The following EIF4G2 variants were observed in gnomAD, a reference collection of about 807,000 sequenced individuals.
EIF4G2 encodes eukaryotic translation initiation factor 4 gamma 2.
In EIF4G2, 8 loss-of-function variants were observed where a neutral mutation model predicts 117.7. The ratio of observed to expected loss-of-function variants is 0.07; its 90% CI spans 0.04 to 0.12. EIF4G2 has a LOEUF of 0.12. Ranked by LOEUF, EIF4G2 falls within the 10% of genes least tolerant of loss-of-function variation. The probability of loss-of-function intolerance (pLI) is 1.00; values close to 1 mark genes in which losing one functional copy is unlikely to be tolerated. For synonymous variants in EIF4G2, 413 were observed against 367.8 expected, an observed-to-expected ratio of 1.12 and a Z score of -1.41; for missense variants, 812 against 1,086.2, an observed-to-expected ratio of 0.75 and a Z score of 3.55.
At position 10,801,791 on chromosome 11, in the gene EIF4G2, G is replaced by T; in HGVS notation, c.1300-17C>A. On this transcript the variant is annotated splice_polypyrimidine_tract_variant and intron_variant, in intron 13 of 21. Transcript: ENST00000339995. ...GCTTAGCCCCTATTTCAGAAAAGGA[G>T]AAAGAAAGTCTAGATAAAAAGGGGT... The T allele has an allele frequency of 6.2e-7, 1 of 1,608,616 alleles. No homozygotes were observed. The highest frequency in any genetic ancestry group is 8.5e-7 in the Non-Finnish European group (1 of 1,177,086).
At chr11:10,801,284 ATACTATTAT>A in intron 14 of EIF4G2, 197 bp from the exon 15 acceptor site, 1 of 659,770 alleles carries the variant, frequency 1.5e-6, no homozygotes. Context: ...CAGTAGTAAG[ATACTATTAT>A]AAATCTTACA....
In EIF4G2 at chr11:10,806,877, G is replaced by A. The variant is rs1442776478; in HGVS notation, c.50C>T (p.Ser17Leu). The A allele has an allele frequency of 6.2e-7, 1 of 1,613,996 alleles. No individual in the cohort carries two copies. The highest frequency in any genetic ancestry group is 8.5e-7 in the Non-Finnish European group (1 of 1,179,994). Residue 17 changes from serine to leucine, a missense_variant, in exon 3 of 22, where the codon TCG becomes TTG. Ser to Leu is a moderately radical substitution (Grantham distance 145). Transcript: ENST00000339995. ...TGCACCCCTACTTCCTCCTCCGCCC[G>A]AAGAAGCACTATTTAAAAGAAAAAA...
chr11:10,801,556 A>T lies in EIF4G2; in HGVS notation c.1413+105T>A, dbSNP rs369949288. Reference sequence around the variant, plus strand: ...ATAGAAAAGAGAGAAAAACGTCAAGAACTCCAGCATAAAGTCCTCTTAATA... The same window carrying T: ...ATAGAAAAGAGAGAAAAACGTCAAGTACTCCAGCATAAAGTCCTCTTAATA... On this transcript the variant is annotated intron_variant, in intron 14 of 21. Coordinates refer to ENST00000339995, the MANE Select transcript of EIF4G2 (RefSeq NM_001418.4). 55 of 1,012,816 alleles carry T rather than the reference A, an allele frequency of 5.4e-5. No individual in the cohort carries two copies. In the African/African-American group the frequency reaches 8.3e-4, roughly 15 times the overall value. The allele number at this position is 1,012,816 out of a possible 1,614,324, so 62.7% of individuals were successfully genotyped here.
chr11:10,801,632 T>C (rs750615306), intron 14 of EIF4G2, 29 bp downstream of exon 14: 2 of 1,585,896 alleles, frequency 1.3e-6, no homozygotes, highest in South Asian at 1.1e-5. Context: ...GGACAAACTA[T>C]GGTATATAAG....
chr11:10,805,883 A>G (rs1428684880), intron 4 of EIF4G2, 24 bp downstream of exon 4: 2 of 1,614,038 alleles, frequency 1.2e-6, no homozygotes, highest in African/African-American at 2.7e-5. Context: ...CCCATCTTTT[A>G]GTAAAACAGA....
At chr11:10,807,906 A>G (rs1847633661) in intron 1 of EIF4G2, 1 of 1,015,066 alleles carries the variant, frequency 9.9e-7, no homozygotes, top group Middle Eastern at 4.9e-4. Flanking sequence ...CCAGGGCCAC[A>G]ACATGGCAGC....
In EIF4G2 at chr11:10,800,838, A is replaced by G. The variant is rs774244755; in HGVS notation, c.1540-3T>C. 1.9e-6 allele frequency: 3 copies of G among 1,613,466 alleles called. No individual in the cohort carries two copies. Among genetic ancestry groups the G allele is most frequent in the Non-Finnish European group, 2.5e-6 (3 of 1,179,558 alleles). On this transcript the variant is annotated splice_region_variant and splice_polypyrimidine_tract_variant and intron_variant, in intron 15 of 21. Transcript: ENST00000339995. ...GTTTTGAGACCAAGCTGAGGTGTCT[A>G]AAAAACAAGCAATGACAGACTTTTT...
chr11:10,801,482 A>C, intron 14 of EIF4G2, 179 bp downstream of exon 14: 1 of 770,176 alleles, frequency 1.3e-6, no homozygotes, highest in Non-Finnish European at 2.3e-6. Flanking sequence ...CTCATATCTC[A>C]TAATCTTCGC....
At position 10,803,924 on chromosome 11, in the gene EIF4G2, G is replaced by A; in HGVS notation, c.677C>T (p.Ser226Phe). Residue 226 changes from serine (S) to phenylalanine (F), a missense_variant, in exon 8 of 22, where the codon TCT (serine) becomes TTT (phenylalanine). Ser to Phe is a radical substitution (Grantham distance 155). Coordinates refer to ENST00000339995, the MANE Select transcript of EIF4G2 (RefSeq NM_001418.4). This position sits in a 1 kb window ranked among gnomAD's most constrained non-coding sequence, Gnocchi z 4.0. The stretch of plus-strand genomic sequence containing the variant: ...TGTTTTGATGCACTTATGAAGGATA[G>A]ATTCGTGAATAAGATCAAGCTTGCC... 2 of 1,614,002 alleles carry A rather than the reference G, an allele frequency of 1.2e-6. No individual in the cohort carries two copies. The highest frequency in any genetic ancestry group is 1.7e-6 in the Non-Finnish European group (2 of 1,179,962).
intron 5 of EIF4G2, 32 bp from the exon 6 acceptor site, chr11:10,804,450 T>G: frequency 1.3e-6 from 2 of 1,547,480 alleles, no homozygotes; most frequent in Non-Finnish European, 1.7e-6. Flanking sequence ...AAACTAAATA[T>G]GAAAACTTCT....
At chr11:10,808,274 C>T in intron 1 of EIF4G2, 2 of 1,216,502 alleles carry the variant, frequency 1.6e-6, no homozygotes, top group Non-Finnish European at 1.0e-6. Context: ...AGGTCCTACA[C>T]ACCTCCCCGC....
chr11:10,804,357 C>T lies in EIF4G2; in HGVS notation c.413G>A (p.Arg138Gln), dbSNP rs765577628. ...AAAGTTTGGTGCATCTTCTGCCAAT[C>T]GCAGACATAGCTGAGCATACAGTGA... The change falls in exon 6 of 22, where the codon CGA becomes CAA. Residue 138 changes from arginine to glutamine, a missense_variant. Around this residue, in one of 4 missense-constraint regions of EIF4G2, gnomAD observed 154 missense variants for 322.1 expected, o/e 0.48. Transcript: ENST00000339995. 1 of 1,614,076 alleles carries T rather than the reference C, an allele frequency of 6.2e-7. No homozygotes were observed. Among genetic ancestry groups the T allele is most frequent in the African/African-American group, 1.3e-5 (1 of 74,930 alleles).
chr11:10,799,128 AAAAAAG>A lies in EIF4G2; in HGVS notation c.2537-21_2537-16del, dbSNP rs1361656066. 3.2e-6 allele frequency: 5 copies of A among 1,576,838 alleles called. No homozygotes were observed. The highest frequency in any genetic ancestry group is 2.1e-5 in the Admixed American group (1 of 48,432). Reference sequence around the variant, plus strand: ...AAGTAACATGCCTTAAAAAAAAAAAAAAAAAGAAAAAAGTAATAAGCCCATTATTTA... The same window carrying A: ...AAGTAACATGCCTTAAAAAAAAAAAAAAAAAAGTAATAAGCCCATTATTTA... On this transcript the variant is annotated splice_polypyrimidine_tract_variant and intron_variant, in intron 20 of 21. Transcript: ENST00000339995.
At chr11:10,807,432 T>C in intron 1 of EIF4G2, 51 bp from the exon 2 acceptor site, 2 of 1,504,636 alleles carry the variant, frequency 1.3e-6, no homozygotes, top group South Asian at 1.3e-5. Context: ...TACAGATCTA[T>C]AAGCCTTCAT....
At position 10,802,500 on chromosome 11, in the gene EIF4G2, C is replaced by G. The variant is rs1847450573; in HGVS notation, c.997-65G>C. 18 of 1,472,370 alleles carry G rather than the reference C, an allele frequency of 1.2e-5. No homozygotes were observed. The South Asian group carries it at 1.6e-4, about 13-fold the overall frequency. 91.2% of individuals were successfully genotyped at this position (1,472,370 alleles called of 1,614,324 possible). On this transcript the variant is annotated intron_variant, in intron 11 of 21. Transcript: ENST00000339995. The stretch of plus-strand genomic sequence containing the variant: ...CACTATTTCACTTAAAACTAAAATT[C>G]TTGCAACTAGGGGGGGAAACCTAGA...
At chr11:10,798,969 C>A in intron 21 of EIF4G2, 23 bp downstream of exon 21, 1 of 1,583,802 alleles carries the variant, frequency 6.3e-7, no homozygotes, top group Non-Finnish European at 8.5e-7. Context: ...GTAAGCAGAC[C>A]AAATTTTTAA....
intron 4 of EIF4G2, 126 bp downstream of exon 4, chr11:10,805,781 C>T: frequency 7.2e-7 from 1 of 1,392,418 alleles, no homozygotes. Context: ...AAATTGCTAC[C>T]ATGAGGATTC....
chr11:10,797,749 T>C lies in EIF4G2; in HGVS notation c.*67A>G, dbSNP rs1199108816. 2.7e-5 allele frequency: 40 copies of C among 1,496,142 alleles called. No individual in the cohort carries two copies. The highest frequency in any genetic ancestry group is 3.7e-5 in the Non-Finnish European group (40 of 1,077,834). 92.7% of individuals were successfully genotyped at this position (1,496,142 alleles called of 1,614,324 possible). A position where few individuals can be genotyped will look rare whatever the true frequency, so the allele number is the denominator to read the frequency against. ...ACAGCGGAATGAATTTTCGCAGTGGTTAGGTCAAATGCAGTTACATCATAG... is the reference window on the plus strand; with the variant it reads ...ACAGCGGAATGAATTTTCGCAGTGGCTAGGTCAAATGCAGTTACATCATAG... On this transcript the variant is annotated 3_prime_UTR_variant, in exon 22 of 22. Coordinates refer to ENST00000339995, the MANE Select transcript of EIF4G2 (RefSeq NM_001418.4). The surrounding 1 kb of genome is among the most constrained non-coding windows in gnomAD (Gnocchi z 4.5).
At chr11:10,805,832 A>T in intron 4 of EIF4G2, 75 bp downstream of exon 4, 1 of 1,599,764 alleles carries the variant, frequency 6.3e-7, no homozygotes, top group Non-Finnish European at 8.6e-7. Context: ...TTGCCTTCTT[A>T]GTAATACAGC....
Sources: gnomAD v4.1 joint callset for allele counts on GRCh38, gnomAD v4.1.1 for gene constraint, gnomAD v4.1.1 regional missense constraint, Gnocchi (gnomAD v3.1) non-coding constraint, MANE v1.5 for transcripts, NCBI Gene and HGNC (gene_info 2026-07-23, HGNC 2026-07-21) for gene names.